NSUN6: variants seen among roughly 807,000 people sequenced by gnomAD.
The protein encoded by NSUN6 is NOP2/Sun RNA methyltransferase 6, also known as tRNA (cytosine(72)-C(5))-methyltransferase NSUN6.
Under a neutral mutation model 58.0 loss-of-function variants are expected in NSUN6, and 64 were observed. The observed-to-expected ratio is 1.10, with a 90% CI of 0.90 to 1.36. The LOEUF (loss-of-function observed/expected upper bound fraction) is 1.36. NSUN6 is among the 40% of genes most tolerant of loss of function. NSUN6 has a pLI of 0.00. For synonymous variants in NSUN6, 231 were observed against 193.9 expected, an observed-to-expected ratio of 1.19 and a Z score of -1.59; for missense variants, 701 against 550.1, an observed-to-expected ratio of 1.27 and a Z score of -2.74.
At chr10:18,566,512 CT>C (rs2055962532) in intron 8 of NSUN6, among the ~76,000 whole-genome samples, 1 of 147,846 alleles carries the variant, frequency 6.8e-6, no homozygotes, top group Non-Finnish European at 1.5e-5. Context: ...ATTCTCCATT[CT>C]ATTCCACTCC....
chr10:18,626,314 T>A (rs2058803488), intron 3 of NSUN6, among the ~76,000 whole-genome samples: 1 of 149,488 alleles, frequency 6.7e-6, no homozygotes, highest in African/African-American at 2.5e-5. Context: ...CCGAGGAGGG[T>A]GGATCACTTG....
intron 8 of NSUN6, among the ~76,000 whole-genome samples, chr10:18,584,714 T>A (rs1344896815): frequency 1.3e-5 from 2 of 151,382 alleles, no homozygotes; most frequent in South Asian, 2.1e-4. Flanking sequence ...TGCAAAAAGA[T>A]CCACAACCAG....
At position 18,648,629 on chromosome 10, in the gene NSUN6, C is replaced by A. The variant is rs2059617192; in HGVS notation, c.92G>T (p.Gly31Val). 6.3e-7 allele frequency: 1 copy of A among 1,588,392 alleles called. No individual in the cohort carries two copies. The highest frequency in any genetic ancestry group is 8.6e-7 in the Non-Finnish European group (1 of 1,166,988). Reference sequence around the variant, plus strand: ...AAACTTCCTTTCTGCTTCTTGTTTACCTAAAGCAGTCACAATCTAAAAAGA... The same window carrying A: ...AAACTTCCTTTCTGCTTCTTGTTTAACTAAAGCAGTCACAATCTAAAAAGA... ...FMNKEIVTAL[G>V]KQEAERKFET... is the part of the protein sequence containing the mutation. The change falls in exon 2 of 11, where the codon GGT (glycine) becomes GTT (valine). Residue 31 changes from glycine (G) to valine (V), a missense_variant. Coordinates refer to ENST00000377304, the MANE Select transcript of NSUN6 (RefSeq NM_182543.5).
At chr10:18,581,007 A>C (rs930791912) in intron 8 of NSUN6, among the ~76,000 whole-genome samples, 2 of 152,218 alleles carry the variant, frequency 1.3e-5, no homozygotes, top group African/African-American at 4.8e-5. Context: ...GCGACTTGAG[A>C]GATCAAGTGC....
intron 3 of NSUN6, among the ~76,000 whole-genome samples, chr10:18,633,695 C>A (rs2059116699): frequency 6.6e-6 from 1 of 152,050 alleles, no homozygotes; most frequent in African/African-American, 2.4e-5. Flanking sequence ...GGAGTCAAGT[C>A]TGAAAGAAGA....
intron 3 of NSUN6, among the ~76,000 whole-genome samples, chr10:18,622,710 G>T (rs1386457614): frequency 6.6e-6 from 1 of 152,074 alleles, no homozygotes; most frequent in Non-Finnish European, 1.5e-5. Flanking sequence ...ACTCCGCCTT[G>T]GGGGGAAAAA....
chr10:18,565,706 C>G (rs2055874095), intron 8 of NSUN6, among the ~76,000 whole-genome samples: 1 of 150,554 alleles, frequency 6.6e-6, no homozygotes. Context: ...CCACTCCATG[C>G]CATTCCATTC....
chr10:18,597,398 T>C (rs1280507605), intron 6 of NSUN6, among the ~76,000 whole-genome samples: 3 of 152,162 alleles, frequency 2.0e-5, no homozygotes, highest in Admixed American at 1.3e-4. Context: ...ATCCTCACAA[T>C]TGTGCCTCTT....
Position 18,603,211 on chromosome 10 carries a change from T to C in NSUN6, c.657+6634A>G, listed in dbSNP as rs1180476493. On this transcript the variant is annotated intron_variant, in intron 6 of 10. Transcript: ENST00000377304. ...GGAAGGCTGAGGCATGAGAATCGGT[T>C]GAACCTGGGAGGCGGAGGTTGCAGT... is the stretch of plus-strand genomic sequence containing the variant. Among the ~76,000 whole-genome samples the C allele has an allele frequency of 2.6e-5, 4 of 152,316 alleles. No homozygotes were observed. In the East Asian group the frequency reaches 7.7e-4, roughly 29 times the overall value.
At position 18,548,345 on chromosome 10, in the gene NSUN6, A is replaced by C. The variant is rs1589806897; in HGVS notation, c.1072-108T>G. On this transcript the variant is annotated intron_variant, in intron 9 of 10. Transcript: ENST00000377304. ...CTTTCAAATGTTTGGGATAAATAAA[A>C]TGATGTTCTATGTGACAAGGATTCC... 1.2e-5 allele frequency: 11 copies of C among 943,528 alleles called. No homozygotes were observed. In the East Asian group the frequency reaches 2.0e-4, roughly 18 times the overall value. The allele number at this position is 943,528 out of a possible 1,614,324, so 58.4% of individuals were successfully genotyped here.
chr10:18,639,324 C>T (rs186840138), intron 3 of NSUN6, among the ~76,000 whole-genome samples: 1 of 152,156 alleles, frequency 6.6e-6, no homozygotes, highest in East Asian at 1.9e-4. Context: ...GAAACACAGT[C>T]TCTACTAAAA....
chr10:18,596,178 A>G (rs776288466), intron 7 of NSUN6, 30 bp downstream of exon 7: 1 of 1,580,828 alleles, frequency 6.3e-7, no homozygotes, highest in Non-Finnish European at 8.7e-7. Context: ...CACTACTTTG[A>G]GAGTGGATTT....
At chr10:18,569,881 C>T (rs2056235220) in intron 8 of NSUN6, among the ~76,000 whole-genome samples, 1 of 150,620 alleles carries the variant, frequency 6.6e-6, no homozygotes, top group African/African-American at 2.4e-5. Context: ...TTCTCCATTC[C>T]ATTCCATTCT....
intron 8 of NSUN6, among the ~76,000 whole-genome samples, chr10:18,564,649 C>T (rs766692276): frequency 1.3e-5 from 2 of 150,460 alleles, no homozygotes; most frequent in Admixed American, 6.7e-5. Context: ...CCATTCCACA[C>T]TGCATTCCAC....
chr10:18,647,680 A>G (rs567426661), intron 2 of NSUN6, among the ~76,000 whole-genome samples: 3 of 148,844 alleles, frequency 2.0e-5, no homozygotes, highest in African/African-American at 7.5e-5. Flanking sequence ...CAGATTCATC[A>G]TCTTAATTTC....
At chr10:18,619,366 T>C (rs1387583726) in intron 3 of NSUN6, among the ~76,000 whole-genome samples, 4 of 152,236 alleles carry the variant, frequency 2.6e-5, no homozygotes, top group Non-Finnish European at 2.9e-5. Flanking sequence ...ACCTATATCC[T>C]AAGGCAAGAA....
At chr10:18,617,523 C>T (rs2058456778) in intron 3 of NSUN6, among the ~76,000 whole-genome samples, 2 of 152,136 alleles carry the variant, frequency 1.3e-5, no homozygotes, top group African/African-American at 4.8e-5. Flanking sequence ...TACCTACGGA[C>T]AGCTATATAG....
At chr10:18,652,839 G>A (rs953288783), upstream of NSUN6, 11 of 938,042 alleles carry the variant, frequency 1.2e-5, no homozygotes, top group South Asian at 9.9e-5. Context: ...GATTACAGGC[G>A]TGAGCCACCA....
chr10:18,600,213 T>G (rs2057750747), intron 6 of NSUN6, among the ~76,000 whole-genome samples: 1 of 151,144 alleles, frequency 6.6e-6, no homozygotes, highest in Admixed American at 6.6e-5. Flanking sequence ...GAGGCAAGAG[T>G]CATCAAAAAC....
Sources: allele counts gnomAD v4.1 joint callset (sites outside exome capture counted in the v4.1 genomes callset), GRCh38; gene constraint gnomAD v4.1.1; transcripts MANE v1.5; gene names NCBI Gene and HGNC (gene_info 2026-07-23, HGNC 2026-07-21).